Variants in AKT3 observed in about 807,000 individuals in gnomAD.
AKT3 encodes AKT serine/threonine kinase 3.
Under a neutral mutation model 65.3 loss-of-function variants are expected in AKT3, and 15 were observed. The ratio of observed to expected loss-of-function variants is 0.23; its 90% confidence interval spans 0.15 to 0.35. The LOEUF (loss-of-function observed/expected upper bound fraction) is 0.35. AKT3 is among the 10% of genes least tolerant of loss of function. The pLI is 1.00. For synonymous variants in AKT3, 206 were observed against 183.8 expected, an observed-to-expected ratio of 1.12 and a Z score of -0.98; for missense variants, 243 against 576.5, an observed-to-expected ratio of 0.42 and a Z score of 5.92.
chr1:243,654,073 T>C (rs1296945442), intron 4 of AKT3, among the ~76,000 whole-genome samples: 1 of 152,166 alleles, frequency 6.6e-6, no homozygotes, highest in Non-Finnish European at 1.5e-5. Flanking sequence ...TTATGTAATA[T>C]ATGCCAGAAT....
intron 2 of AKT3, among the ~76,000 whole-genome samples, chr1:243,747,625 T>A (rs906587438): frequency 6.6e-6 from 1 of 152,184 alleles, no homozygotes; most frequent in African/African-American, 2.4e-5. Flanking sequence ...AAGGGAGATA[T>A]CTTCAATGAA....
intron 2 of AKT3, among the ~76,000 whole-genome samples, chr1:243,821,377 C>T (rs1018636768): frequency 2.0e-5 from 3 of 152,038 alleles, no homozygotes; most frequent in African/African-American, 7.2e-5. Flanking sequence ...TACATCAACA[C>T]GTCTGCAAAA....
chr1:243,671,676 T>G (rs1345457584), intron 3 of AKT3, among the ~76,000 whole-genome samples: 1 of 152,178 alleles, frequency 6.6e-6, no homozygotes, highest in Non-Finnish European at 1.5e-5. Context: ...AGATAACTGT[T>G]GAGTGATCAC....
chr1:243,572,588 T>C (rs985381213), intron 9 of AKT3, among the ~76,000 whole-genome samples: 1 of 152,220 alleles, frequency 6.6e-6, no homozygotes, highest in African/African-American at 2.4e-5. Context: ...TCCAATAGTC[T>C]TACTATGTTT....
chr1:243,744,693 C>T lies in AKT3; in HGVS notation c.47-48977G>A, dbSNP rs184761322. Among the ~76,000 whole-genome samples, 9 of 147,850 alleles carry T rather than the reference C, an allele frequency of 6.1e-5. No individual in the cohort carries two copies. The East Asian group carries it at 1.6e-3, about 26-fold the overall frequency. On this transcript the variant is annotated intron_variant, in intron 2 of 13. Coordinates refer to ENST00000673466, the MANE Select transcript of AKT3 (RefSeq NM_005465.7). ...GGCGGAGCTTGCAGTGAGCCGAGATCGCGCCCCTGCACTCCAGCCTGGGTG... is the reference window on the plus strand; with the variant it reads ...GGCGGAGCTTGCAGTGAGCCGAGATTGCGCCCCTGCACTCCAGCCTGGGTG...
chr1:243,547,519 C>T (rs145380689), intron 11 of AKT3, among the ~76,000 whole-genome samples: 1 of 152,146 alleles, frequency 6.6e-6, no homozygotes, highest in Admixed American at 6.5e-5. Context: ...ACAGATGCTC[C>T]TAAACTTAAT....
At chr1:243,608,588 A>G (rs1223019778) in intron 8 of AKT3, among the ~76,000 whole-genome samples, 1 of 152,098 alleles carries the variant, frequency 6.6e-6, no homozygotes, top group African/African-American at 2.4e-5. Flanking sequence ...CTTAGATGCC[A>G]TACAGATCCT....
At position 243,501,101 on chromosome 1, in the gene AKT3, CA is replaced by C. The variant is rs1486865081; in HGVS notation, c.*4147del. 8.6e-6 allele frequency: 2 copies of C among 231,226 alleles called. No homozygotes were observed. Among genetic ancestry groups the C allele is most frequent in the African/African-American group, 4.4e-5 (2 of 45,228 alleles). The allele number at this position is 231,226 out of a possible 1,614,324, so 14.3% of individuals were successfully genotyped here. On this transcript the variant is annotated 3_prime_UTR_variant, in exon 14 of 14. Transcript: ENST00000673466. ...CTCAAATTTGGCCGTGTGACATACA[CA>C]TACATGCTTGACTCACTCTGGTCCC...
intron 2 of AKT3, among the ~76,000 whole-genome samples, chr1:243,751,003 A>G (rs563976149): frequency 6.6e-6 from 1 of 152,356 alleles, no homozygotes; most frequent in African/African-American, 2.4e-5. Flanking sequence ...CACTACAAAC[A>G]CACAGAAAGT....
chr1:243,815,844 T>G (rs1693489346), intron 2 of AKT3, among the ~76,000 whole-genome samples: 1 of 151,712 alleles, frequency 6.6e-6, no homozygotes. Flanking sequence ...CTCGAACTCC[T>G]GAGCTCAAGT....
At chr1:243,621,420 C>A (rs1006779101) in intron 6 of AKT3, among the ~76,000 whole-genome samples, 1 of 152,150 alleles carries the variant, frequency 6.6e-6, no homozygotes, top group Non-Finnish European at 1.5e-5. Context: ...TTTCCGCAGT[C>A]TCATTTGCTG....
At chr1:243,817,840 T>C (rs1408400732) in intron 2 of AKT3, among the ~76,000 whole-genome samples, 1 of 152,224 alleles carries the variant, frequency 6.6e-6, no homozygotes, top group Non-Finnish European at 1.5e-5. Flanking sequence ...CTATCTTCCA[T>C]TATTTACTTA....
intron 2 of AKT3, among the ~76,000 whole-genome samples, chr1:243,839,877 A>G (rs1364847043): frequency 6.6e-6 from 1 of 151,794 alleles, no homozygotes; most frequent in Non-Finnish European, 1.5e-5. Flanking sequence ...AAAAAAAAAA[A>G]AAAAACAGAA....
chr1:243,810,221 A>C (rs2148394867), intron 2 of AKT3, among the ~76,000 whole-genome samples: 1 of 152,330 alleles, frequency 6.6e-6, no homozygotes, highest in South Asian at 2.1e-4. Flanking sequence ...CCTTCAAAAA[A>C]TCAGTGAATC....
chr1:243,530,790 G>A (rs1439999895), intron 12 of AKT3, among the ~76,000 whole-genome samples: 1 of 152,134 alleles, frequency 6.6e-6, no homozygotes, highest in Non-Finnish European at 1.5e-5. Context: ...CTGAAAAAGA[G>A]AGATGATCCA....
intron 2 of AKT3, among the ~76,000 whole-genome samples, chr1:243,820,553 GA>G (rs1693797559): frequency 1.3e-5 from 2 of 152,182 alleles, no homozygotes; most frequent in African/African-American, 4.8e-5. Flanking sequence ...TATGAACCAT[GA>G]TAAAACATCA....
intron 2 of AKT3, among the ~76,000 whole-genome samples, chr1:243,813,343 A>C (rs1382411492): frequency 6.6e-6 from 1 of 152,160 alleles, no homozygotes; most frequent in East Asian, 1.9e-4. Flanking sequence ...AAAACAAGTG[A>C]TATAAAACCC....
At chr1:243,518,972 G>T (rs1057027562) in intron 12 of AKT3, among the ~76,000 whole-genome samples, 1 of 152,186 alleles carries the variant, frequency 6.6e-6, no homozygotes, top group African/African-American at 2.4e-5. Context: ...AGCTTGGGTG[G>T]AAGAATGATT....
chr1:243,798,595 T>C (rs1011318282), intron 2 of AKT3, among the ~76,000 whole-genome samples: 2 of 152,004 alleles, frequency 1.3e-5, no homozygotes, highest in Non-Finnish European at 2.9e-5. Flanking sequence ...TTCTCATATC[T>C]TCTCTCTGTT....
Sources: gnomAD v4.1 joint callset for allele counts (sites outside exome capture counted in the v4.1 genomes callset) on GRCh38, gnomAD v4.1.1 for gene constraint, MANE v1.5 for transcripts, NCBI Gene and HGNC (gene_info 2026-07-23, HGNC 2026-07-21) for gene names.